The following TRMT11 variants were observed in gnomAD, a reference collection of about 807,000 sequenced individuals.
TRMT11 encodes tRNA methyltransferase 11.
A neutral mutation model predicts 62.8 loss-of-function variants in TRMT11; 53 were observed. The ratio of observed to expected loss-of-function variants is 0.84; its 90% CI spans 0.68 to 1.06. TRMT11 has a LOEUF of 1.06. Among genes scored for constraint, TRMT11 ranks in the 50% least tolerant of loss-of-function variants. The pLI, the probability that TRMT11 is intolerant of heterozygous loss-of-function variation, is 0.00. For missense variants in TRMT11, 556 were observed against 553.4 expected (o/e 1.00, Z -0.05); for synonymous variants, 188 against 190.3 (o/e 0.99, Z 0.10).
rs1156635475 is a variant in TRMT11 at position 126,008,389 on chromosome 6, C to T, written c.680-3C>T. ...AACAGGTCAAAATTGTGTGATTTTTCAGGTGGCCTGCTGATAGCATGTGCT... is the reference window on the plus strand; with the variant it reads ...AACAGGTCAAAATTGTGTGATTTTTTAGGTGGCCTGCTGATAGCATGTGCT... On this transcript the variant is annotated splice_polypyrimidine_tract_variant and splice_region_variant and intron_variant, in intron 7 of 12. Coordinates refer to ENST00000334379, the MANE Select transcript of TRMT11 (RefSeq NM_001031712.3). The T allele has an allele frequency of 6.2e-7, 1 of 1,612,594 alleles. No individual in the cohort carries two copies. Among genetic ancestry groups the T allele is most frequent in the African/African-American group, 1.3e-5 (1 of 74,846 alleles).
chr6:126,154,742 A>G (rs1469330050), intron 21 of TRMT11, among the ~76,000 whole-genome samples: 1 of 152,218 alleles, frequency 6.6e-6, no homozygotes. Context: ...GCAGTGAGGC[A>G]GGGACATGAC....
chr6:126,202,304 G>A (rs1401658461), downstream of TRMT11: 1 of 152,176 alleles, frequency 6.6e-6, no homozygotes, highest in Non-Finnish European at 1.5e-5. Context: ...TTCTTAGGTT[G>A]ATGTACCCAT....
At chr6:126,014,389 T>A (rs948845985) in intron 11 of TRMT11, among the ~76,000 whole-genome samples, 6 of 152,144 alleles carry the variant, frequency 3.9e-5, no homozygotes, top group Non-Finnish European at 8.8e-5. Context: ...TAGCTGGGAT[T>A]ACAGGTGCAC....
chr6:126,112,172 C>T (rs1777539605), intron 17 of TRMT11, among the ~76,000 whole-genome samples: 1 of 152,094 alleles, frequency 6.6e-6, no homozygotes, highest in African/African-American at 2.4e-5. Flanking sequence ...CTTCCCATCT[C>T]TTTCTGGTTA....
chr6:126,053,530 T>A (rs1306871868), intron 17 of TRMT11, among the ~76,000 whole-genome samples: 2 of 152,192 alleles, frequency 1.3e-5, no homozygotes, highest in East Asian at 3.9e-4. Flanking sequence ...GGACAACCCC[T>A]ATACCCCAGA....
At chr6:126,228,876 C>G in the TRMT11 span, among the ~76,000 whole-genome samples, 1 of 152,180 alleles carries the variant, frequency 6.6e-6, no homozygotes, top group African/African-American at 2.4e-5. Context: ...CTCATTAACA[C>G]TTGAAAATCT....
At chr6:126,067,685 G>T (rs1359870280) in intron 17 of TRMT11, among the ~76,000 whole-genome samples, 2 of 152,094 alleles carry the variant, frequency 1.3e-5, no homozygotes, top group African/African-American at 2.4e-5. Flanking sequence ...TGTGCATTTG[G>T]TTGGGTTGAT....
chr6:126,175,459 G>A (rs1778375401), upstream of TRMT11, among the ~76,000 whole-genome samples: 1 of 152,090 alleles, frequency 6.6e-6, no homozygotes, highest in South Asian at 2.1e-4. Flanking sequence ...TTTATTTTGT[G>A]GTTGGGTTTG....
At chr6:126,099,267 C>A (rs373325981) in intron 17 of TRMT11, among the ~76,000 whole-genome samples, 1 of 152,078 alleles carries the variant, frequency 6.6e-6, no homozygotes, top group Admixed American at 6.6e-5. Flanking sequence ...GTGTTAATAC[C>A]GCACATCTTT....
upstream of TRMT11, among the ~76,000 whole-genome samples, chr6:126,175,657 C>G (rs1778377301): frequency 6.6e-6 from 1 of 152,162 alleles, no homozygotes; most frequent in Admixed American, 6.6e-5. Context: ...CATCCTTTCA[C>G]AAACCTGAGG....
At chr6:126,043,889 T>G (rs1469136892), downstream of TRMT11, among the ~76,000 whole-genome samples, 2 of 152,176 alleles carry the variant, frequency 1.3e-5, no homozygotes, top group Non-Finnish European at 2.9e-5. Flanking sequence ...TTGCCCACTT[T>G]TTGATGGGGT....
rs765056098 is a variant in TRMT11 at position 125,996,025 on chromosome 6, G to A, written c.197G>A (p.Arg66Gln). ...SEDIARNLMK[R>Q]TVCAKSIFEL... ...GATATTGCAAGAAATTTGATGAAAC[G>A]GACAGTGTGTGCCAAGTAAGAGAAA... Residue 66 changes from arginine to glutamine, a missense_variant, in exon 3 of 13, where the codon CGG (arginine) becomes CAG (glutamine). Physicochemically the swap from Arg to Gln is conservative, Grantham distance 43 (BLOSUM62 1). Coordinates refer to ENST00000334379, the MANE Select transcript of TRMT11 (RefSeq NM_001031712.3). The A allele has an allele frequency of 6.2e-6, 10 of 1,610,094 alleles. No homozygotes were observed. The highest frequency in any genetic ancestry group is 2.2e-5 in the South Asian group (2 of 90,996).
the TRMT11 span, among the ~76,000 whole-genome samples, chr6:126,242,197 A>C: frequency 1.3e-5 from 2 of 152,136 alleles, no homozygotes; most frequent in Non-Finnish European, 2.9e-5. Context: ...GCTTCAAAGA[A>C]AATAAAATAC....
At chr6:126,251,744 G>A in the TRMT11 span, among the ~76,000 whole-genome samples, 2 of 152,080 alleles carry the variant, frequency 1.3e-5, no homozygotes, top group South Asian at 2.1e-4. Context: ...AGCCAGATAG[G>A]GTCCAGGGAA....
chr6:126,247,449 CT>C, the TRMT11 span, among the ~76,000 whole-genome samples: 1 of 136,510 alleles, frequency 7.3e-6, no homozygotes, highest in Non-Finnish European at 1.5e-5. Context: ...ACATATCTAT[CT>C]ATCTATCTAT....
At chr6:126,052,296 C>T (rs1383474506) in intron 16 of TRMT11, among the ~76,000 whole-genome samples, 1 of 152,152 alleles carries the variant, frequency 6.6e-6, no homozygotes, top group African/African-American at 2.4e-5. Context: ...AAGAAATACG[C>T]AGGCTGCCGC....
intron 21 of TRMT11, among the ~76,000 whole-genome samples, chr6:126,166,833 C>T (rs991752795): frequency 1.3e-5 from 2 of 152,184 alleles, no homozygotes; most frequent in Admixed American, 6.5e-5. Context: ...TCTAGAGAGG[C>T]AGTGTAGCTA....
At chr6:126,073,193 G>A (rs1442539373) in intron 17 of TRMT11, among the ~76,000 whole-genome samples, 3 of 152,108 alleles carry the variant, frequency 2.0e-5, no homozygotes, top group Non-Finnish European at 2.9e-5. Flanking sequence ...AATTGGAAAT[G>A]CAGCTTTATA....
chr6:126,066,720 G>A (rs116306820), intron 17 of TRMT11, among the ~76,000 whole-genome samples: 233 of 152,196 alleles, frequency 1.5e-3, no homozygotes, highest in African/African-American at 5.4e-3. Flanking sequence ...AGAGATGCTT[G>A]TAAGCCCTAG....
Sources: allele counts gnomAD v4.1 joint callset (sites outside exome capture counted in the v4.1 genomes callset), GRCh38; gene constraint gnomAD v4.1.1; transcripts MANE v1.5; gene names NCBI Gene and HGNC (gene_info 2026-07-23, HGNC 2026-07-21).